Variants in PLXNA2 observed in about 807,000 individuals in gnomAD.
PLXNA2 encodes the protein plexin A2, also known as plexin-A2.
PLXNA2 carries 91 observed loss-of-function variants against 193.5 expected under a neutral mutation model. That is an observed-to-expected ratio of 0.47 (90% CI 0.40 to 0.56). PLXNA2 has a LOEUF of 0.56. Ranked by LOEUF, PLXNA2 falls within the 20% of genes least tolerant of loss-of-function variation. The pLI is 0.00. For synonymous variants in PLXNA2, 997 were observed against 1,027.3 expected (o/e 0.97, Z 0.56); for missense variants, 1,995 against 2,503.2 (o/e 0.80, Z 4.33).
Position 208,052,406 on chromosome 1 carries a change from C to T in PLXNA2, c.2914G>A (p.Val972Met). ...IRGPESGGTM[V>M]TITGHYLGAG... ...CCAAGGTAATGGCCGGTAATGGTCA[C>T]CATAGTGCCTCCTGACTCGGGACCT... Residue 972 changes from valine (V) to methionine (M), a missense_variant, in exon 15 of 32, where the codon GTG becomes ATG. Val to Met is a conservative substitution (Grantham distance 21). Transcript: ENST00000367033. 1 of 1,614,106 alleles carries T rather than the reference C, an allele frequency of 6.2e-7. No individual in the cohort carries two copies. The highest frequency in any genetic ancestry group is 8.5e-7 in the Non-Finnish European group (1 of 1,179,986).
intron 2 of PLXNA2, among the ~76,000 whole-genome samples, chr1:208,211,978 T>C (rs1670971588): frequency 6.6e-6 from 1 of 152,212 alleles, no homozygotes; most frequent in Non-Finnish European, 1.5e-5. Context: ...GAATGAGTGC[T>C]CTGACATGGC....
chr1:208,101,838 GA>G (rs1284914598), intron 5 of PLXNA2, among the ~76,000 whole-genome samples: 2 of 152,326 alleles, frequency 1.3e-5, no homozygotes, highest in Admixed American at 6.5e-5. Context: ...GACCACTGCA[GA>G]GCTAGAGGGC....
rs772055485 is a variant in PLXNA2, at chr1:208,060,829, C to G, written c.2595G>C (p.Thr865=). The G allele has an allele frequency of 1.2e-6, 2 of 1,613,756 alleles. No individual in the cohort carries two copies. The highest frequency in any genetic ancestry group is 1.7e-6 in the Non-Finnish European group (2 of 1,179,848). ...TCCCTCCTTCCGGCGGTCCAGACAC[C>G]GTCAAAATCTGCAGGAGGGAAATGG... ...CSNPQITEIL[T]VSGPPEGGTR... is the part of the protein sequence containing the mutation. The change falls in exon 13 of 32, where the codon ACG becomes ACC. Residue 865 remains threonine (T), a synonymous_variant. Transcript: ENST00000367033.
intron 4 of PLXNA2, among the ~76,000 whole-genome samples, chr1:208,126,878 C>T (rs1439038528): frequency 1.3e-5 from 2 of 152,208 alleles, no homozygotes; most frequent in Admixed American, 1.3e-4. Flanking sequence ...AAAGGAAGCA[C>T]ACAAGAAGAG....
chr1:208,029,384 G>T, intron 29 of PLXNA2: 1 of 1,079,710 alleles, frequency 9.3e-7, no homozygotes, highest in Middle Eastern at 4.4e-4. Context: ...TTTTCTCAGG[G>T]CTTCACACAA....
intron 2 of PLXNA2, among the ~76,000 whole-genome samples, chr1:208,210,703 T>C (rs1249909761): frequency 6.6e-6 from 1 of 152,198 alleles, no homozygotes; most frequent in Non-Finnish European, 1.5e-5. Context: ...TCAGCTGGCG[T>C]CACCTGTATC....
At chr1:208,162,965 G>A (rs1194839521) in intron 3 of PLXNA2, among the ~76,000 whole-genome samples, 2 of 152,178 alleles carry the variant, frequency 1.3e-5, no homozygotes, top group Non-Finnish European at 2.9e-5. Flanking sequence ...GGATTATAGA[G>A]GGGCAAATCA....
chr1:208,088,765 G>C (rs1666617421), intron 9 of PLXNA2, among the ~76,000 whole-genome samples: 1 of 152,242 alleles, frequency 6.6e-6, no homozygotes, highest in Non-Finnish European at 1.5e-5. Flanking sequence ...TTGCATGAAA[G>C]AGGAAAATCA....
At chr1:208,188,520 C>T (rs1355328884) in intron 3 of PLXNA2, among the ~76,000 whole-genome samples, 1 of 152,054 alleles carries the variant, frequency 6.6e-6, no homozygotes, top group East Asian at 1.9e-4. Flanking sequence ...ACCAGCCTGG[C>T]CAACATGTCG....
intron 4 of PLXNA2, among the ~76,000 whole-genome samples, chr1:208,105,513 A>G (rs1355823746): frequency 6.6e-6 from 1 of 152,162 alleles, no homozygotes; most frequent in Non-Finnish European, 1.5e-5. Flanking sequence ...ACTGTTGATG[A>G]TTTTTGTCCT....
intron 1 of PLXNA2, among the ~76,000 whole-genome samples, chr1:208,218,466 G>GTC (rs1671219416): frequency 6.6e-6 from 1 of 152,136 alleles, no homozygotes; most frequent in Admixed American, 6.5e-5. Context: ...TGCTCCCAGA[G>GTC]TCTGATATTG....
intron 4 of PLXNA2, among the ~76,000 whole-genome samples, chr1:208,124,492 A>C (rs535897468): frequency 2.6e-4 from 40 of 152,190 alleles, no homozygotes; most frequent in African/African-American, 9.4e-4. Flanking sequence ...CAGCCTGGCC[A>C]ACATGGCGAA....
At chr1:208,215,039 G>A (rs1353920316) in intron 2 of PLXNA2, among the ~76,000 whole-genome samples, 3 of 151,344 alleles carry the variant, frequency 2.0e-5, no homozygotes, top group Admixed American at 6.6e-5. Context: ...CTGAGACAGG[G>A]TCTCACTCTG....
chr1:208,036,129 T>A (rs1330951581), intron 26 of PLXNA2, among the ~76,000 whole-genome samples: 1 of 152,216 alleles, frequency 6.6e-6, no homozygotes, highest in Non-Finnish European at 1.5e-5. Context: ...CAGCTGTTGG[T>A]ACCATCAGCA....
intron 4 of PLXNA2, among the ~76,000 whole-genome samples, chr1:208,141,163 G>A (rs550716339): frequency 5.9e-5 from 9 of 152,322 alleles, no homozygotes; most frequent in African/African-American, 1.9e-4. Flanking sequence ...TATGATTTAC[G>A]TCATCTGTCC....
At chr1:208,031,113 G>C (rs747085675) in intron 29 of PLXNA2, 1 of 998,550 alleles carries the variant, frequency 1.0e-6, no homozygotes, top group Non-Finnish European at 1.2e-6. Context: ...CTCCCTCTCC[G>C]GTGCTGACCA....
chr1:208,044,614 G>T lies in PLXNA2; in HGVS notation c.3768C>A (p.Val1256=), dbSNP rs769462052. The T allele has an allele frequency of 6.2e-7, 1 of 1,614,116 alleles. No homozygotes were observed. The highest frequency in any genetic ancestry group is 8.5e-7 in the Non-Finnish European group (1 of 1,179,984). The stretch of plus-strand genomic sequence containing the variant: ...GAGACTTGCGCTTGTAGGCAATGAG[G>T]ACGATGATGACGATGATGAGGAGGA... The part of the protein sequence containing the change: ...GSLLLIIVII[V]LIAYKRKSRE... The change falls in exon 20 of 32, where the codon GTC becomes GTA. Residue 1256 remains valine (V), a synonymous_variant. Coordinates refer to ENST00000367033, the MANE Select transcript of PLXNA2 (RefSeq NM_025179.4). This position sits in a 1 kb window ranked among gnomAD's most constrained non-coding sequence, Gnocchi z 4.9.
chr1:208,217,646 A>T lies in PLXNA2; in HGVS notation c.277T>A (p.Ser93Thr), dbSNP rs746654765. 11 of 1,613,910 alleles carry T rather than the reference A, an allele frequency of 6.8e-6. No individual in the cohort carries two copies. The highest frequency in any genetic ancestry group is 9.3e-6 in the Non-Finnish European group (11 of 1,179,966). ...TGCACGATGAGGGGCGGGTAACAAG[A>T]CTTGTTGTCCTCTTCTGGCCCTGTC... ...HKTGPEEDNK[S>T]CYPPLIVQPC... Residue 93 changes from serine (S) to threonine (T), a missense_variant, in exon 2 of 32, where the codon TCT becomes ACT. Coordinates refer to ENST00000367033, the MANE Select transcript of PLXNA2 (RefSeq NM_025179.4). The surrounding 1 kb of genome is among the most constrained non-coding windows in gnomAD (Gnocchi z 4.7).
intron 3 of PLXNA2, among the ~76,000 whole-genome samples, chr1:208,144,622 G>C (rs373823179): frequency 6.6e-6 from 1 of 152,142 alleles, no homozygotes; most frequent in African/African-American, 2.4e-5. Flanking sequence ...TTTGCTGGGC[G>C]ACTTGGGGGC....
Sources: gnomAD v4.1 joint callset for allele counts (sites outside exome capture counted in the v4.1 genomes callset) on GRCh38, gnomAD v4.1.1 for gene constraint, Gnocchi (gnomAD v3.1) non-coding constraint, MANE v1.5 for transcripts, NCBI Gene and HGNC (gene_info 2026-07-23, HGNC 2026-07-21) for gene names.